WDFY4: variants seen among roughly 807,000 people sequenced by gnomAD.
The protein encoded by WDFY4 is WD repeat- and FYVE domain-containing protein 4.
A neutral mutation model predicts 351.9 loss-of-function variants in WDFY4; 169 were observed. The observed-to-expected ratio is 0.48, with a 90% confidence interval of 0.42 to 0.55. The LOEUF (loss-of-function observed/expected upper bound fraction) is 0.55, where lower values mean the gene tolerates loss of function less well. Ranked by LOEUF, WDFY4 falls within the 20% of genes least tolerant of loss-of-function variation. The probability of loss-of-function intolerance (pLI) is 0.00; values close to 1 mark genes in which losing one functional copy is unlikely to be tolerated. For missense variants in WDFY4, 3,803 were observed against 3,935.6 expected (o/e 0.97, Z 0.90); for synonymous variants, 1,622 against 1,574.6 (o/e 1.03, Z -0.71).
chr10:48,786,935 T>A (rs1444448469), intron 20 of WDFY4, 65 bp downstream of exon 20: 44 of 1,410,228 alleles, frequency 3.1e-5, no homozygotes, highest in Non-Finnish European at 4.0e-5. Context: ...ATCCAGTTAT[T>A]TGTAGCAGAT....
chr10:48,762,678 G>A (rs184180979), intron 13 of WDFY4, among the ~76,000 whole-genome samples: 1 of 152,204 alleles, frequency 6.6e-6, no homozygotes, highest in African/African-American at 2.4e-5. Flanking sequence ...CATACCTGGG[G>A]CCTTGGTTGA....
intron 39 of WDFY4, among the ~76,000 whole-genome samples, chr10:48,859,319 A>C (rs2069252845): frequency 6.6e-6 from 1 of 152,178 alleles, no homozygotes; most frequent in South Asian, 2.1e-4. Flanking sequence ...GAAAGTATTC[A>C]TTATTTATCA....
At chr10:48,941,939 A>G in intron 48 of WDFY4, 91 bp downstream of exon 48, 1 of 1,196,464 alleles carries the variant, frequency 8.4e-7, no homozygotes, top group Non-Finnish European at 1.2e-6. Flanking sequence ...GTGTGGATCA[A>G]CCAAGAAGGG....
intron 37 of WDFY4, among the ~76,000 whole-genome samples, chr10:48,829,654 A>G (rs1214712463): frequency 6.6e-6 from 1 of 152,228 alleles, no homozygotes; most frequent in Non-Finnish European, 1.5e-5. Flanking sequence ...GTTCAAGACC[A>G]GCCTGCCCAA....
At chr10:48,940,771 G>T (rs540123844) in intron 47 of WDFY4, among the ~76,000 whole-genome samples, 2 of 152,164 alleles carry the variant, frequency 1.3e-5, no homozygotes, top group Non-Finnish European at 2.9e-5. Flanking sequence ...CACCTTGGAG[G>T]CTGAGGAGCT....
At chr10:48,844,130 C>A (rs1288720355) in intron 39 of WDFY4, among the ~76,000 whole-genome samples, 4 of 152,264 alleles carry the variant, frequency 2.6e-5, no homozygotes, top group South Asian at 2.1e-4. Flanking sequence ...TTATGAGAAA[C>A]CATTTTGGTT....
At chr10:48,931,881 G>A (rs1384194548) in intron 47 of WDFY4, among the ~76,000 whole-genome samples, 4 of 152,196 alleles carry the variant, frequency 2.6e-5, no homozygotes, top group Non-Finnish European at 5.9e-5. Flanking sequence ...GGAGAATTGA[G>A]AATGATGTGG....
Position 48,810,696 on chromosome 10 carries a change from T to C in WDFY4, c.5005T>C (p.Trp1669Arg), listed in dbSNP as rs1191257151. Residue 1669 changes from tryptophan to arginine, a missense_variant, in exon 29 of 62, where the codon TGG (tryptophan) becomes CGG (arginine). Coordinates refer to ENST00000325239, the MANE Select transcript of WDFY4 (RefSeq NM_001394531.1). ...TAGAGATGGCCTGTGTGCAGGATCC[T>C]GGGTGGAACGCAGCACTGAGGGCGT... ...RFRDGLCAGSWVERSTEGVDI... is the reference protein window; with the variant it reads ...RFRDGLCAGSRVERSTEGVDI... 4.5e-6 allele frequency: 7 copies of C among 1,549,584 alleles called. No homozygotes were observed. The highest frequency in any genetic ancestry group is 6.1e-6 in the Non-Finnish European group (7 of 1,146,240).
At chr10:48,938,980 G>C (rs1225656865) in intron 47 of WDFY4, among the ~76,000 whole-genome samples, 1 of 152,274 alleles carries the variant, frequency 6.6e-6, no homozygotes, top group African/African-American at 2.4e-5. Context: ...GGCTTCATTC[G>C]AGTTCTTCTG....
At chr10:48,784,441 C>T (rs908485181) in intron 19 of WDFY4, among the ~76,000 whole-genome samples, 4 of 149,632 alleles carry the variant, frequency 2.7e-5, no homozygotes, top group African/African-American at 7.4e-5. Flanking sequence ...GGTTGAACAT[C>T]ACCTTTTCAT....
intron 51 of WDFY4, among the ~76,000 whole-genome samples, chr10:48,954,453 T>C (rs1841488656): frequency 6.6e-6 from 1 of 152,264 alleles, no homozygotes; most frequent in Non-Finnish European, 1.5e-5. Flanking sequence ...TTGATCACTT[T>C]GTTCCCTTCC....
chr10:48,783,035 C>A (rs1202730399), intron 19 of WDFY4, among the ~76,000 whole-genome samples: 1 of 152,022 alleles, frequency 6.6e-6, no homozygotes, highest in Non-Finnish European at 1.5e-5. Context: ...GATGGCTGAA[C>A]AATTGGTTTG....
At chr10:48,959,912 A>G in intron 53 of WDFY4, 99 bp downstream of exon 53, 1 of 1,092,808 alleles carries the variant, frequency 9.2e-7, no homozygotes, top group Non-Finnish European at 1.3e-6. Flanking sequence ...AGTGACCAGC[A>G]CTGTGAGGCT....
Position 48,900,360 on chromosome 10 carries a change from A to G in WDFY4, c.7523+54A>G, listed in dbSNP as rs569442339. The G allele has an allele frequency of 3.4e-6, 5 of 1,467,062 alleles. No individual in the cohort carries two copies. In the South Asian group the frequency reaches 3.7e-5, roughly 11 times the overall value. 90.9% of individuals were successfully genotyped at this position (1,467,062 alleles called of 1,614,324 possible). Reference sequence around the variant, plus strand: ...GAAACTGATCCTGAACTGAGAGCAGAGGGGCAGAGAACACTCAGCTCTGTG... The same window carrying G: ...GAAACTGATCCTGAACTGAGAGCAGGGGGGCAGAGAACACTCAGCTCTGTG... On this transcript the variant is annotated intron_variant, in intron 46 of 61. Transcript: ENST00000325239.
intron 39 of WDFY4, among the ~76,000 whole-genome samples, chr10:48,848,468 G>C (rs749498516): frequency 9.2e-5 from 14 of 152,224 alleles, no homozygotes; most frequent in Non-Finnish European, 1.5e-4. Context: ...AGGGGTGGGA[G>C]TAAGAGCAGG....
Position 48,820,226 on chromosome 10 carries a change from T to C in WDFY4, c.5506-8T>C. 6.4e-7 allele frequency: 1 copy of C among 1,551,458 alleles called. No homozygotes were observed. The highest frequency in any genetic ancestry group is 1.2e-5 in the South Asian group (1 of 84,048). On this transcript the variant is annotated splice_region_variant and splice_polypyrimidine_tract_variant and intron_variant, in intron 32 of 61. Coordinates refer to ENST00000325239, the MANE Select transcript of WDFY4 (RefSeq NM_001394531.1). ...GGCCACTCATGTTGGGGTTCTCTTGTCTTTGAGGGGGTTGGGGCTGAGTCC... is the reference window on the plus strand; with the variant it reads ...GGCCACTCATGTTGGGGTTCTCTTGCCTTTGAGGGGGTTGGGGCTGAGTCC...
chr10:48,953,290 C>G (rs1385235933), intron 51 of WDFY4, among the ~76,000 whole-genome samples: 3 of 148,020 alleles, frequency 2.0e-5, no homozygotes, highest in African/African-American at 7.5e-5. Context: ...CCTGCTTCAT[C>G]GCATGAGATA....
intron 41 of WDFY4, 47 bp from the exon 42 acceptor site, chr10:48,875,042 A>G: frequency 1.6e-6 from 2 of 1,245,222 alleles, no homozygotes; most frequent in Non-Finnish European, 2.2e-6. Flanking sequence ...TGAAGCATAG[A>G]TGTAGCATCC....
At chr10:48,784,877 G>C (rs1328299345) in intron 19 of WDFY4, among the ~76,000 whole-genome samples, 1 of 118,370 alleles carries the variant, frequency 8.4e-6, no homozygotes. Flanking sequence ...TTTTTGAGAC[G>C]GAGTAGTCTC....
Sources: allele counts gnomAD v4.1 joint callset (sites outside exome capture counted in the v4.1 genomes callset), GRCh38; gene constraint gnomAD v4.1.1; transcripts MANE v1.5; gene names NCBI Gene and HGNC (gene_info 2026-07-23, HGNC 2026-07-21).